Variants in FRAS1 observed in about 807,000 individuals in gnomAD.
FRAS1 encodes Fraser extracellular matrix complex subunit 1.
A neutral mutation model predicts 435.2 loss-of-function variants in FRAS1; 290 were observed. That is an observed-to-expected ratio of 0.67 (90% CI 0.61 to 0.73). The LOEUF (loss-of-function observed/expected upper bound fraction) is 0.73. Ranked by LOEUF, FRAS1 falls within the 30% of genes least tolerant of loss-of-function variation. FRAS1 has a pLI of 0.00. For missense variants in FRAS1, 4,860 were observed against 5,001.5 expected, an observed-to-expected ratio of 0.97 and a Z score of 0.85; for synonymous variants, 1,800 against 1,851.0, an observed-to-expected ratio of 0.97 and a Z score of 0.71.
rs544006482 is a variant in FRAS1 at position 78,145,202 on chromosome 4, T to C, written c.108+79186T>C. ...CTGTTCTGAAAGCGCTGAGTCAGTT[T>C]ACAACAGGGTACTAATCAGGGCTTT... On this transcript the variant is annotated intron_variant, in intron 2 of 73. Coordinates refer to ENST00000512123, the MANE Select transcript of FRAS1 (RefSeq NM_025074.7). 5.9e-5 allele frequency among the ~76,000 whole-genome samples: 9 copies of C among 152,300 alleles called. No homozygotes were observed. In the East Asian group the frequency reaches 1.3e-3, roughly 23 times the overall value.
intron 2 of FRAS1, among the ~76,000 whole-genome samples, chr4:78,207,750 A>G (rs1723324134): frequency 1.3e-5 from 2 of 152,168 alleles, no homozygotes; most frequent in African/African-American, 4.8e-5. Flanking sequence ...ACTTCTTCCA[A>G]TCTGGTGTTC....
At chr4:78,402,305 T>G (rs780916576) in intron 30 of FRAS1, among the ~76,000 whole-genome samples, 2 of 152,138 alleles carry the variant, frequency 1.3e-5, no homozygotes, top group African/African-American at 2.4e-5. Flanking sequence ...TTTAATTATA[T>G]ATTTTCTGTA....
At chr4:78,144,834 G>T (rs1720351259) in intron 2 of FRAS1, among the ~76,000 whole-genome samples, 1 of 152,186 alleles carries the variant, frequency 6.6e-6, no homozygotes, top group African/African-American at 2.4e-5. Flanking sequence ...TTGTATGCAT[G>T]TTCCTAAATT....
chr4:78,083,860 A>C (rs149714376), intron 2 of FRAS1, among the ~76,000 whole-genome samples: 1 of 152,014 alleles, frequency 6.6e-6, no homozygotes, highest in African/African-American at 2.4e-5. Flanking sequence ...TTGATACTCT[A>C]TCATTGCTTC....
At chr4:78,345,072 G>A (rs1485198637) in intron 20 of FRAS1, among the ~76,000 whole-genome samples, 1 of 152,130 alleles carries the variant, frequency 6.6e-6, no homozygotes, top group Non-Finnish European at 1.5e-5. Flanking sequence ...CCATTTTCCT[G>A]TTGTGGATCT....
At chr4:78,422,172 C>CT (rs58237899) in intron 34 of FRAS1, among the ~76,000 whole-genome samples, 172 bp downstream of exon 34, 3,556 of 149,528 alleles carry the variant, frequency 0.024, 144 homozygotes, top group African/African-American at 0.08. Context: ...TCAGTTCCAT[C>CT]TTTTTTTTTT....
In FRAS1 at chr4:78,168,744, A is replaced by G. The variant is rs1252047901; in HGVS notation, c.109-68766A>G. Among the ~76,000 whole-genome samples, 4 of 152,018 alleles carry G rather than the reference A, an allele frequency of 2.6e-5. No homozygotes were observed. In the East Asian group the frequency reaches 7.7e-4, roughly 29 times the overall value. On this transcript the variant is annotated intron_variant, in intron 2 of 73. Coordinates refer to ENST00000512123, the MANE Select transcript of FRAS1 (RefSeq NM_025074.7). ...GAGAAGAAAAATTAAAAGATGGTGG[A>G]TGGGAGTAGCTTCTAAACATTCTAT... is the stretch of plus-strand genomic sequence containing the variant.
At chr4:78,318,129 T>TA (rs1326552711) in intron 17 of FRAS1, among the ~76,000 whole-genome samples, 2 of 152,210 alleles carry the variant, frequency 1.3e-5, no homozygotes, top group African/African-American at 2.4e-5. Flanking sequence ...TGAGAATAGT[T>TA]ACAAGAACAA....
intron 2 of FRAS1, among the ~76,000 whole-genome samples, chr4:78,211,694 T>C (rs1230805429): frequency 6.6e-6 from 1 of 152,218 alleles, no homozygotes; most frequent in Non-Finnish European, 1.5e-5. Flanking sequence ...TTAAAAAAAA[T>C]TGTTGTAATA....
intron 2 of FRAS1, among the ~76,000 whole-genome samples, chr4:78,199,889 C>T (rs1314336577): frequency 1.3e-5 from 2 of 152,084 alleles, no homozygotes; most frequent in African/African-American, 4.8e-5. Context: ...GTAAAGTTAG[C>T]CCTAATGATG....
chr4:78,538,244 A>C (rs1215448524), intron 72 of FRAS1, among the ~76,000 whole-genome samples: 1 of 152,276 alleles, frequency 6.6e-6, no homozygotes, highest in Non-Finnish European at 1.5e-5. Flanking sequence ...ATAAGTAAAC[A>C]CTTAAAATTT....
At chr4:78,275,119 C>G (rs1726928940) in intron 9 of FRAS1, among the ~76,000 whole-genome samples, 1 of 152,154 alleles carries the variant, frequency 6.6e-6, no homozygotes, top group African/African-American at 2.4e-5. Flanking sequence ...TCTGTTTTAT[C>G]AGAGACTAGA....
chr4:78,475,810 A>G (rs2109854655), intron 54 of FRAS1, among the ~76,000 whole-genome samples: 1 of 152,308 alleles, frequency 6.6e-6, no homozygotes, highest in East Asian at 1.9e-4. Flanking sequence ...TAACTGCCAA[A>G]GGGGAAGTTG....
At chr4:78,257,399 C>T (rs1725844806) in intron 6 of FRAS1, among the ~76,000 whole-genome samples, 1 of 152,096 alleles carries the variant, frequency 6.6e-6, no homozygotes, top group African/African-American at 2.4e-5. Flanking sequence ...TTGCTAACAT[C>T]AAGCCTTCCA....
chr4:78,125,683 G>C (rs1719305289), intron 2 of FRAS1, among the ~76,000 whole-genome samples: 1 of 152,168 alleles, frequency 6.6e-6, no homozygotes, highest in Non-Finnish European at 1.5e-5. Context: ...TCCAGATGCT[G>C]TTTTCCTGGG....
At chr4:78,490,952 C>A (rs532058185) in intron 59 of FRAS1, among the ~76,000 whole-genome samples, 1 of 151,822 alleles carries the variant, frequency 6.6e-6, no homozygotes, top group African/African-American at 2.4e-5. Context: ...CAAATAGACA[C>A]AATAAAAATT....
intron 61 of FRAS1, among the ~76,000 whole-genome samples, chr4:78,505,978 TAGTC>T (rs932408957): frequency 1.5e-4 from 23 of 152,348 alleles, no homozygotes; most frequent in African/African-American, 5.3e-4. Context: ...TTCCTTCTAA[TAGTC>T]AGATCCCTCA....
At chr4:78,324,091 A>G (rs1304968635) in intron 18 of FRAS1, among the ~76,000 whole-genome samples, 1 of 152,176 alleles carries the variant, frequency 6.6e-6, no homozygotes. Flanking sequence ...GCACTGGCAT[A>G]CTTCTTTCTC....
chr4:78,430,386 T>G lies in FRAS1; in HGVS notation c.4938T>G (p.His1646Gln). 1 of 1,613,676 alleles carries G rather than the reference T, an allele frequency of 6.2e-7. No homozygotes were observed. Among genetic ancestry groups the G allele is most frequent in the Non-Finnish European group, 8.5e-7 (1 of 1,179,748 alleles). The change falls in exon 37 of 74, where the codon CAT becomes CAG. Residue 1646 changes from histidine (H) to glutamine (Q), a missense_variant. By Grantham distance (24) the His-to-Gln change is conservative (BLOSUM62 0). Transcript: ENST00000512123. Reference sequence around the variant, plus strand: ...CACAGCATGGTGTGCTTCTTAAGCATACAGCTGAGTTCCGAAGGCCGATGG... The same window carrying G: ...CACAGCATGGTGTGCTTCTTAAGCAGACAGCTGAGTTCCGAAGGCCGATGG... ...RPPQHGVLLKHTAEFRRPMAT... is the reference protein window; with the variant it reads ...RPPQHGVLLKQTAEFRRPMAT...
Sources: gnomAD v4.1 joint callset for allele counts (sites outside exome capture counted in the v4.1 genomes callset) on GRCh38, gnomAD v4.1.1 for gene constraint, MANE v1.5 for transcripts, NCBI Gene and HGNC (gene_info 2026-07-23, HGNC 2026-07-21) for gene names.